The following DPF3 variants were observed in gnomAD, a reference collection of about 807,000 sequenced individuals.
The protein encoded by DPF3 is zinc finger protein DPF3.
DPF3 carries 18 observed loss-of-function variants against 56.8 expected under a neutral mutation model. That is an observed-to-expected ratio of 0.32 (90% CI 0.22 to 0.47). The LOEUF (loss-of-function observed/expected upper bound fraction) is 0.47. Among genes scored for constraint, DPF3 ranks in the 20% least tolerant of loss-of-function variants. The pLI is 1.00. For missense variants in DPF3, 403 were observed against 488.8 expected (o/e 0.82, Z 1.65); for synonymous variants, 188 against 180.2 (o/e 1.04, Z -0.35).
At chr14:72,830,630 A>T (rs936587276) in intron 1 of DPF3, among the ~76,000 whole-genome samples, 1 of 152,186 alleles carries the variant, frequency 6.6e-6, no homozygotes, top group Non-Finnish European at 1.5e-5. Flanking sequence ...TTAGCATGTG[A>T]CCATCGGGAA....
At chr14:72,786,335 C>A (rs77595736) in intron 1 of DPF3, among the ~76,000 whole-genome samples, 2 of 152,168 alleles carry the variant, frequency 1.3e-5, no homozygotes, top group Admixed American at 1.3e-4. Context: ...CGAGGCAGAG[C>A]TGGGATCAGA....
At chr14:72,825,774 A>C (rs1231988611) in intron 1 of DPF3, among the ~76,000 whole-genome samples, 1 of 151,860 alleles carries the variant, frequency 6.6e-6, no homozygotes, top group Non-Finnish European at 1.5e-5. Context: ...CAGTTAAGAT[A>C]ACTCTATCTA....
chr14:72,629,803 C>T (rs1484233751), intron 8 of DPF3, 67 bp from the exon 9 acceptor site: 1 of 1,264,652 alleles, frequency 7.9e-7, no homozygotes, highest in African/African-American at 1.5e-5. Flanking sequence ...ACACCACTCA[C>T]TGGAAACACA....
chr14:72,632,444 G>A (rs967545139), intron 8 of DPF3, among the ~76,000 whole-genome samples: 2 of 151,980 alleles, frequency 1.3e-5, no homozygotes, highest in Non-Finnish European at 2.9e-5. Flanking sequence ...AGGACTTTTT[G>A]TAATATATTT....
chr14:72,676,820 A>T (rs1886933932), intron 7 of DPF3, among the ~76,000 whole-genome samples: 1 of 152,104 alleles, frequency 6.6e-6, no homozygotes, highest in African/African-American at 2.4e-5. Context: ...TAAATCACCC[A>T]ATCTCGGGTG....
chr14:72,825,639 C>T (rs894027035), intron 1 of DPF3, among the ~76,000 whole-genome samples: 84 of 152,168 alleles, frequency 5.5e-4, no homozygotes, highest in Non-Finnish European at 1.5e-4. Flanking sequence ...TCAAGAAGGC[C>T]CCTGGGGAAG....
intron 1 of DPF3, chr14:72,773,707 G>C (rs1891637507): frequency 2.5e-6 from 1 of 403,950 alleles, no homozygotes; most frequent in Non-Finnish European, 4.9e-6. Context: ...CATAAAAGTG[G>C]AGTCATACAG....
At chr14:72,840,010 C>T (rs1396397774) in intron 1 of DPF3, among the ~76,000 whole-genome samples, 2 of 152,242 alleles carry the variant, frequency 1.3e-5, no homozygotes, top group Non-Finnish European at 2.9e-5. Flanking sequence ...TCTTGAGTGA[C>T]TTGCCCTTGT....
chr14:72,730,995 C>T (rs569201897), intron 4 of DPF3, among the ~76,000 whole-genome samples: 20 of 152,070 alleles, frequency 1.3e-4, no homozygotes, highest in African/African-American at 4.1e-4. Context: ...TGGTGAAACC[C>T]CATCTCTACT....
intron 6 of DPF3, among the ~76,000 whole-genome samples, chr14:72,712,349 C>G (rs1888691775): frequency 6.6e-6 from 1 of 152,216 alleles, no homozygotes; most frequent in South Asian, 2.1e-4. Flanking sequence ...TGCCCACAAA[C>G]AGCACTTCAT....
intron 8 of DPF3, among the ~76,000 whole-genome samples, chr14:72,639,078 A>G (rs1247997039): frequency 6.6e-6 from 1 of 152,160 alleles, no homozygotes; most frequent in African/African-American, 2.4e-5. Context: ...TGGCCTCCCA[A>G]AGTGCTGGGA....
chr14:72,891,337 A>G, intron 1 of DPF3, among the ~76,000 whole-genome samples: 1 of 145,618 alleles, frequency 6.9e-6, no homozygotes. Context: ...GAGGGAAGAG[A>G]GAGACTCAGA....
At chr14:72,620,104 G>A in intron 9 of DPF3, 120 bp from the exon 10 acceptor site, 1 of 1,033,530 alleles carries the variant, frequency 9.7e-7, no homozygotes, top group Admixed American at 2.9e-5. Flanking sequence ...CCCTTTCCAG[G>A]CCCCACTTGG....
At chr14:72,806,415 G>C (rs1222612897) in intron 1 of DPF3, among the ~76,000 whole-genome samples, 3 of 152,064 alleles carry the variant, frequency 2.0e-5, no homozygotes, top group Non-Finnish European at 4.4e-5. Context: ...GTGGGGATTT[G>C]GCAATAAGAC....
At chr14:72,861,100 C>T (rs1037346047) in intron 1 of DPF3, among the ~76,000 whole-genome samples, 10 of 151,544 alleles carry the variant, frequency 6.6e-5, no homozygotes, top group South Asian at 2.1e-4. Context: ...CTCTCCATCC[C>T]CCTATGCTCC....
rs575355346 is a variant in DPF3, at chr14:72,699,962, T to A, written c.605-6749A>T. On this transcript the variant is annotated intron_variant, in intron 6 of 10. Transcript: ENST00000556509. ...TGGGAGGAGGAAAGAGGGAGGTTGG[T>A]GGGTGGAGGGGAGCTTAGGATCAGG... 7.9e-5 allele frequency among the ~76,000 whole-genome samples: 12 copies of A among 151,882 alleles called. No individual in the cohort carries two copies. In the South Asian group the frequency reaches 2.5e-3, roughly 32 times the overall value.
chr14:72,666,541 C>G (rs1886452300), intron 8 of DPF3, among the ~76,000 whole-genome samples: 1 of 152,186 alleles, frequency 6.6e-6, no homozygotes, highest in African/African-American at 2.4e-5. Context: ...GACAAGTCAT[C>G]AAACAGGATC....
rs144017497 is a variant in DPF3, at chr14:72,782,616, C to T, written c.33-10723G>A. 5.4e-3 allele frequency among the ~76,000 whole-genome samples: 827 copies of T among 152,234 alleles called. 4 individuals are homozygous for T. Among genetic ancestry groups the T allele is most frequent in the Non-Finnish European group, 8.5e-3 (580 of 68,000 alleles). On this transcript the variant is annotated intron_variant, in intron 1 of 10. Coordinates refer to ENST00000556509, the MANE Select transcript of DPF3 (RefSeq NM_001280542.3). ...TTGGGAGGCTGAGGTGGGTGGGTCA[C>T]GAGGTCAGGAGTTCGAGATCAGCCT...
rs931494323 is a variant in DPF3, at chr14:72,795,383, C to T, written c.33-23490G>A. On this transcript the variant is annotated intron_variant, in intron 1 of 10. Coordinates refer to ENST00000556509, the MANE Select transcript of DPF3 (RefSeq NM_001280542.3). Reference sequence around the variant, plus strand: ...TCGCTCTGGGTTCAAATCTAAGCTTCACCACCAGTCCCAGCTGAAGCTATT... The same window carrying T: ...TCGCTCTGGGTTCAAATCTAAGCTTTACCACCAGTCCCAGCTGAAGCTATT... Among the ~76,000 whole-genome samples the T allele has an allele frequency of 2.0e-5, 3 of 150,734 alleles. No individual in the cohort carries two copies. In the South Asian group the frequency reaches 6.3e-4, roughly 32 times the overall value.
Sources: gnomAD v4.1 joint callset for allele counts (sites outside exome capture counted in the v4.1 genomes callset) on GRCh38, gnomAD v4.1.1 for gene constraint, MANE v1.5 for transcripts, NCBI Gene and HGNC (gene_info 2026-07-23, HGNC 2026-07-21) for gene names.